PDE4B: variants seen among roughly 807,000 people sequenced by gnomAD.
PDE4B encodes the protein phosphodiesterase 4B, also known as 3',5'-cyclic-AMP phosphodiesterase 4B.
A neutral mutation model predicts 82.2 loss-of-function variants in PDE4B; 20 were observed. The ratio of observed to expected loss-of-function variants is 0.24; its 90% CI spans 0.17 to 0.35. PDE4B has a LOEUF of 0.35. Ranked by LOEUF, PDE4B falls within the 10% of genes least tolerant of loss-of-function variation. The pLI, the probability that PDE4B is intolerant of heterozygous loss-of-function variation, is 1.00. For synonymous variants in PDE4B, 320 were observed against 318.9 expected, an observed-to-expected ratio of 1.00 and a Z score of -0.04; for missense variants, 655 against 907.2, an observed-to-expected ratio of 0.72 and a Z score of 3.57.
At chr1:66,321,855 G>A (rs968200563) in intron 7 of PDE4B, among the ~76,000 whole-genome samples, 23 of 151,830 alleles carry the variant, frequency 1.5e-4, no homozygotes, top group Admixed American at 7.9e-4. Context: ...AAAAGAGCCC[G>A]CATGGCCAAG....
chr1:66,238,190 AG>A (rs2101650242), intron 3 of PDE4B, among the ~76,000 whole-genome samples: 2 of 152,320 alleles, frequency 1.3e-5, no homozygotes, highest in Admixed American at 1.3e-4. Context: ...TCTACCAGCC[AG>A]GGACTGTTCA....
intron 7 of PDE4B, among the ~76,000 whole-genome samples, chr1:66,300,500 G>A (rs1389238398): frequency 6.6e-6 from 1 of 152,114 alleles, no homozygotes; most frequent in Non-Finnish European, 1.5e-5. Context: ...TGTGAGGGAG[G>A]GCGATTTGGA....
chr1:66,316,758 T>G (rs1384387370), intron 7 of PDE4B, among the ~76,000 whole-genome samples: 1 of 152,214 alleles, frequency 6.6e-6, no homozygotes, highest in African/African-American at 2.4e-5. Context: ...GCACAGCTGA[T>G]AGCTACAATC....
chr1:66,291,555 T>C (rs892627725), intron 7 of PDE4B, among the ~76,000 whole-genome samples: 1 of 152,228 alleles, frequency 6.6e-6, no homozygotes, highest in African/African-American at 2.4e-5. Flanking sequence ...GGGGGAATTA[T>C]GGAATTAATA....
At chr1:66,174,523 C>T (rs372974455) in intron 3 of PDE4B, among the ~76,000 whole-genome samples, 56 of 151,948 alleles carry the variant, frequency 3.7e-4, no homozygotes, top group African/African-American at 1.2e-3. Context: ...TTTAGGAGGC[C>T]GAGGCGGGCG....
chr1:66,150,594 A>C (rs1342809620), intron 3 of PDE4B, among the ~76,000 whole-genome samples: 9 of 152,196 alleles, frequency 5.9e-5, no homozygotes, highest in Non-Finnish European at 1.2e-4. Context: ...TGGCAAGAGC[A>C]GACAGCCTCG....
chr1:66,101,583 T>C (rs987577468), intron 3 of PDE4B, among the ~76,000 whole-genome samples: 27 of 152,234 alleles, frequency 1.8e-4, no homozygotes, highest in Admixed American at 9.8e-4. Context: ...TGATGGCCAG[T>C]GATGATGAGC....
At chr1:66,094,884 G>A (rs1645086381) in intron 3 of PDE4B, among the ~76,000 whole-genome samples, 1 of 151,810 alleles carries the variant, frequency 6.6e-6, no homozygotes, top group Non-Finnish European at 1.5e-5. Context: ...GGAATATAGG[G>A]GTTAAGTAAT....
chr1:66,093,293 C>T (rs570678950), intron 3 of PDE4B, among the ~76,000 whole-genome samples: 16 of 151,934 alleles, frequency 1.1e-4, no homozygotes, highest in Admixed American at 2.0e-4. Flanking sequence ...GATTTTATTA[C>T]GTATTTGTAT....
intron 7 of PDE4B, among the ~76,000 whole-genome samples, chr1:66,327,351 A>T (rs1659812488): frequency 6.6e-6 from 1 of 152,246 alleles, no homozygotes; most frequent in Admixed American, 6.5e-5. Context: ...TATGTTATAT[A>T]CATATGTATG....
chr1:66,080,513 C>T (rs528232639), intron 3 of PDE4B, among the ~76,000 whole-genome samples: 1 of 151,970 alleles, frequency 6.6e-6, no homozygotes, highest in African/African-American at 2.4e-5. Flanking sequence ...AAAGGTTTTA[C>T]TGTTTGGATG....
intron 6 of PDE4B, among the ~76,000 whole-genome samples, chr1:66,264,240 T>A (rs1040802001): frequency 2.0e-5 from 3 of 152,208 alleles, no homozygotes; most frequent in African/African-American, 7.2e-5. Flanking sequence ...ATGTTGGGGC[T>A]AGAGAGCAAA....
chr1:65,832,216 G>A (rs1646090609), intron 1 of PDE4B, among the ~76,000 whole-genome samples: 1 of 152,130 alleles, frequency 6.6e-6, no homozygotes, highest in Admixed American at 6.6e-5. Flanking sequence ...TAAGGCTTTG[G>A]AAGCATATAG....
chr1:65,981,095 A>G (rs185419836), intron 3 of PDE4B, among the ~76,000 whole-genome samples: 15 of 152,244 alleles, frequency 9.9e-5, no homozygotes, highest in Non-Finnish European at 1.9e-4. Flanking sequence ...TATCAATCTC[A>G]GGTGTGTCCG....
chr1:66,210,005 G>C (rs1649895013), intron 3 of PDE4B, among the ~76,000 whole-genome samples: 2 of 151,980 alleles, frequency 1.3e-5, no homozygotes. Context: ...AGTTTTATTG[G>C]CTCATCCACT....
At position 66,236,073 on chromosome 1, in the gene PDE4B, G is replaced by T. The variant is rs1006613119; in HGVS notation, c.282-11387G>T. ...GTAAAAAGTACAGAGGAAGTTTCAGGCTAAATTTAGCGGTTCATTATATGC... is the reference window on the plus strand; with the variant it reads ...GTAAAAAGTACAGAGGAAGTTTCAGTCTAAATTTAGCGGTTCATTATATGC... On this transcript the variant is annotated intron_variant, in intron 3 of 16. Transcript: ENST00000341517. Among the ~76,000 whole-genome samples, 4 of 152,056 alleles carry T rather than the reference G, an allele frequency of 2.6e-5. No individual in the cohort carries two copies. The South Asian group carries it at 8.3e-4, about 32-fold the overall frequency.
At chr1:66,237,171 C>T (rs1652523820) in intron 3 of PDE4B, among the ~76,000 whole-genome samples, 1 of 152,148 alleles carries the variant, frequency 6.6e-6, no homozygotes, top group Non-Finnish European at 1.5e-5. Context: ...CTCCTCCCTT[C>T]CCAAAAGAAC....
At chr1:66,190,393 T>A (rs917370879) in intron 3 of PDE4B, among the ~76,000 whole-genome samples, 6 of 152,156 alleles carry the variant, frequency 3.9e-5, no homozygotes, top group Non-Finnish European at 5.9e-5. Context: ...CTGCAGAGGT[T>A]TTTGCTGCCT....
chr1:66,188,961 A>T (rs1647466610), intron 3 of PDE4B, among the ~76,000 whole-genome samples: 1 of 152,180 alleles, frequency 6.6e-6, no homozygotes, highest in Non-Finnish European at 1.5e-5. Flanking sequence ...ATGTCTTTGC[A>T]GTGGCTGGTA....
Sources: allele counts gnomAD v4.1 joint callset (sites outside exome capture counted in the v4.1 genomes callset), GRCh38; gene constraint gnomAD v4.1.1; transcripts MANE v1.5; gene names NCBI Gene and HGNC (gene_info 2026-07-23, HGNC 2026-07-21).